NGEF: variants seen among roughly 807,000 people sequenced by gnomAD.
NGEF encodes neuronal guanine nucleotide exchange factor.
A neutral mutation model predicts 80.9 loss-of-function variants in NGEF; 31 were observed. The ratio of observed to expected loss-of-function variants is 0.38; its 90% confidence interval spans 0.29 to 0.52. NGEF has a LOEUF of 0.52. Ranked by LOEUF, NGEF falls within the 20% of genes least tolerant of loss-of-function variation. NGEF has a pLI of 0.84. For synonymous variants in NGEF, 371 were observed against 370.2 expected (o/e 1.00, Z -0.03); for missense variants, 709 against 926.2 (o/e 0.77, Z 3.04).
At chr2:232,914,920 G>A (rs1159208845) in intron 5 of NGEF, among the ~76,000 whole-genome samples, 1 of 151,884 alleles carries the variant, frequency 6.6e-6, no homozygotes, top group Non-Finnish European at 1.5e-5. Context: ...GGGAGGCTGA[G>A]GCCGAAGAAT....
chr2:232,999,441 C>T (rs375539397), intron 1 of NGEF, among the ~76,000 whole-genome samples: 26 of 152,234 alleles, frequency 1.7e-4, no homozygotes, highest in African/African-American at 6.0e-4. Context: ...TTGAGTCCTG[C>T]CCCCTCTGGA....
Position 232,974,607 on chromosome 2 carries a change from T to A in NGEF, c.268+16A>T. ...GATGTAAGGGAACAGCCGTGACAGC[T>A]GTCCCTGATACTGACCTGCCAGGCA... On this transcript the variant is annotated intron_variant, in intron 2 of 14. Coordinates refer to ENST00000264051, the MANE Select transcript of NGEF (RefSeq NM_019850.3). 6.2e-7 allele frequency: 1 copy of A among 1,611,452 alleles called. No individual in the cohort carries two copies. The highest frequency in any genetic ancestry group is 8.5e-7 in the Non-Finnish European group (1 of 1,178,902).
At chr2:233,003,598 C>T (rs752844313) in intron 1 of NGEF, among the ~76,000 whole-genome samples, 22 of 152,278 alleles carry the variant, frequency 1.4e-4, no homozygotes, top group Non-Finnish European at 2.5e-4. Flanking sequence ...CCCTGCCCTA[C>T]CACCCCCACT....
intron 3 of NGEF, among the ~76,000 whole-genome samples, chr2:232,960,087 A>G (rs1693914060): frequency 6.6e-6 from 1 of 152,248 alleles, no homozygotes; most frequent in Non-Finnish European, 1.5e-5. Flanking sequence ...CCCTCTGGCC[A>G]TTGCCAGGAA....
intron 11 of NGEF, 25 bp from the exon 12 acceptor site, chr2:232,883,491 C>T (rs533705650): frequency 6.4e-6 from 10 of 1,554,158 alleles, no homozygotes; most frequent in East Asian, 4.7e-5. Flanking sequence ...GAAGGGCAGG[C>T]GTGTCAGCCC....
rs370695582 is a variant in NGEF at position 232,988,544 on chromosome 2, C to G, written c.-74-13580G>C. On this transcript the variant is annotated intron_variant, in intron 1 of 14. Transcript: ENST00000264051. ...GGTGGGAGTTTACATGGATTCCAGC[C>G]CTACGGGACAGTTTGGCAATGCCTA... 3.8e-4 allele frequency among the ~76,000 whole-genome samples: 58 copies of G among 152,292 alleles called. 2 individuals are homozygous for G. The highest frequency in any genetic ancestry group is 1.5e-3 in the East Asian group (8 of 5,182).
chr2:232,968,161 T>C lies in NGEF; in HGVS notation c.383+2053A>G, dbSNP rs1335047051. Among the ~76,000 whole-genome samples the C allele has an allele frequency of 2.0e-5, 3 of 149,500 alleles. No homozygotes were observed. In the South Asian group the frequency reaches 6.3e-4, roughly 32 times the overall value. On this transcript the variant is annotated intron_variant, in intron 3 of 14. Coordinates refer to ENST00000264051, the MANE Select transcript of NGEF (RefSeq NM_019850.3). ...TGGAGTGCAATGGTGTGATCTCTGC[T>C]TACCGCAATCTCTGCCTTCCGGGTT...
At chr2:232,979,454 AT>A (rs1327338258) in intron 1 of NGEF, among the ~76,000 whole-genome samples, 1 of 152,060 alleles carries the variant, frequency 6.6e-6, no homozygotes, top group African/African-American at 2.4e-5. Flanking sequence ...ATTATAGACT[AT>A]TTTAAGCAAA....
rs138859609 is a variant in NGEF, at chr2:232,974,811, G to A, written c.80C>T (p.Pro27Leu). Residue 27 changes from proline to leucine, a missense_variant, in exon 2 of 15, where the codon CCA (proline) becomes CTA (leucine). Coordinates refer to ENST00000264051, the MANE Select transcript of NGEF (RefSeq NM_019850.3). ...ASDQWNTDNEPAKVKPELLPE... is the reference protein window; with the variant it reads ...ASDQWNTDNELAKVKPELLPE... ...GAGTAACTCAGGTTTCACCTTGGCT[G>A]GTTCATTATCAGTGTTCCATTGATC... The A allele has an allele frequency of 2.7e-5, 43 of 1,614,202 alleles. No homozygotes were observed. The highest frequency in any genetic ancestry group is 3.6e-5 in the Non-Finnish European group (43 of 1,180,018).
chr2:232,988,151 C>G (rs1244058309), intron 1 of NGEF, among the ~76,000 whole-genome samples: 1 of 150,856 alleles, frequency 6.6e-6, no homozygotes, highest in South Asian at 2.1e-4. Flanking sequence ...AGTAGAGGTG[C>G]CTTAGCTGGC....
rs557233505 is a variant in NGEF, at chr2:232,902,646, A to G, written c.829-7730T>C. On this transcript the variant is annotated intron_variant, in intron 5 of 14. Coordinates refer to ENST00000264051, the MANE Select transcript of NGEF (RefSeq NM_019850.3). ...TGCTAAAATAAGTGTGTGTAAATTTAAAAAGACACATGCTTGAGAACATGT... is the reference window on the plus strand; with the variant it reads ...TGCTAAAATAAGTGTGTGTAAATTTGAAAAGACACATGCTTGAGAACATGT... 2.0e-5 allele frequency among the ~76,000 whole-genome samples: 3 copies of G among 152,362 alleles called. No individual in the cohort carries two copies. The South Asian group carries it at 6.2e-4, about 32-fold the overall frequency.
At position 232,878,736 on chromosome 2, in the gene NGEF, A is replaced by C. The variant is rs1691377517; in HGVS notation, c.*753T>G. On this transcript the variant is annotated 3_prime_UTR_variant, in exon 15 of 15. Transcript: ENST00000264051. ...ATATGATGCTTCTTTTAATGCAGCC[A>C]AAAGTGATATTTGCTTTTCTCAGAA... 6.6e-6 allele frequency: 1 copy of C among 152,654 alleles called. No individual in the cohort carries two copies. The highest frequency in any genetic ancestry group is 2.4e-5 in the African/African-American group (1 of 41,462). 9.5% of individuals were successfully genotyped at this position (152,654 alleles called of 1,614,324 possible). A position where few individuals can be genotyped will look rare whatever the true frequency, so the allele number is the denominator to read the frequency against.
chr2:232,981,490 G>A (rs1694415706), intron 1 of NGEF, among the ~76,000 whole-genome samples: 1 of 151,964 alleles, frequency 6.6e-6, no homozygotes, highest in Non-Finnish European at 1.5e-5. Context: ...CATCACTATT[G>A]TAAAACCTAA....
chr2:232,879,430 C>CA lies in NGEF; in HGVS notation c.*58_*59insT. The CA allele has an allele frequency of 2.0e-6, 3 of 1,465,670 alleles. No individual in the cohort carries two copies. Among genetic ancestry groups the CA allele is most frequent in the South Asian group, 1.3e-5 (1 of 75,468 alleles). The allele number at this position is 1,465,670 out of a possible 1,614,324, so 90.8% of individuals were successfully genotyped here. A position where few individuals can be genotyped will look rare whatever the true frequency, so the allele number is the denominator to read the frequency against. ...CCTGTGCTTCCCAGAGCCCCCCCCC[C>CA]CCCACCTTCTGTCGGGGTCTCATGC... On this transcript the variant is annotated 3_prime_UTR_variant, in exon 15 of 15. Coordinates refer to ENST00000264051, the MANE Select transcript of NGEF (RefSeq NM_019850.3).
chr2:232,898,676 G>A (rs554663326), intron 5 of NGEF, among the ~76,000 whole-genome samples: 2 of 152,302 alleles, frequency 1.3e-5, no homozygotes, highest in East Asian at 3.9e-4. Context: ...TCACTCGTTC[G>A]TTCCTTCGTT....
intron 3 of NGEF, among the ~76,000 whole-genome samples, chr2:232,960,495 GA>G (rs1186864622): frequency 2.6e-5 from 4 of 152,150 alleles, no homozygotes; most frequent in African/African-American, 7.2e-5. Context: ...CTGGAAAGGG[GA>G]GGTCATGGGT....
chr2:232,913,308 T>C (rs1224624363), intron 5 of NGEF, among the ~76,000 whole-genome samples: 2 of 152,244 alleles, frequency 1.3e-5, no homozygotes, highest in East Asian at 3.8e-4. Flanking sequence ...TTATCTTTGT[T>C]ACCGATTTCT....
At chr2:232,989,348 T>C (rs544314176) in intron 1 of NGEF, among the ~76,000 whole-genome samples, 1 of 152,312 alleles carries the variant, frequency 6.6e-6, no homozygotes, top group African/African-American at 2.4e-5. Context: ...CTCAGGAGGC[T>C]GAGGCAGGAG....
At chr2:232,885,659 T>G in intron 9 of NGEF, 2 of 384,504 alleles carry the variant, frequency 5.2e-6, no homozygotes, top group South Asian at 2.6e-5. Context: ...TCCTCCTCTG[T>G]AGGCTGGACG....
Sources: allele counts gnomAD v4.1 joint callset (sites outside exome capture counted in the v4.1 genomes callset), GRCh38; gene constraint gnomAD v4.1.1; transcripts MANE v1.5; gene names NCBI Gene and HGNC (gene_info 2026-07-23, HGNC 2026-07-21).